UNK: variants seen among roughly 807,000 people sequenced by gnomAD.
The protein encoded by UNK is RING finger protein unkempt homolog.
A neutral mutation model predicts 97.6 loss-of-function variants in UNK; 32 were observed. That is an observed-to-expected ratio of 0.33 (90% CI 0.25 to 0.44). The LOEUF (loss-of-function observed/expected upper bound fraction) is 0.44. Among genes scored for constraint, UNK ranks in the 20% least tolerant of loss-of-function variants. The pLI, the probability that UNK is intolerant of heterozygous loss-of-function variation, is 1.00. For missense variants in UNK, 771 were observed against 1,098.4 expected, an observed-to-expected ratio of 0.70 and a Z score of 4.21; for synonymous variants, 441 against 461.2, an observed-to-expected ratio of 0.96 and a Z score of 0.56.
chr17:75,800,140 C>A (rs1056870116), intron 1 of UNK, among the ~76,000 whole-genome samples: 3 of 152,134 alleles, frequency 2.0e-5, no homozygotes, highest in Non-Finnish European at 2.9e-5. Context: ...ACAATCTTGG[C>A]TCACTGCAGT....
In UNK at chr17:75,809,863, C is replaced by T. The variant is rs1208945791; in HGVS notation, c.208C>T (p.Arg70Trp). 1.2e-6 allele frequency: 2 copies of T among 1,613,766 alleles called. No individual in the cohort carries two copies. The highest frequency in any genetic ancestry group is 1.7e-6 in the Non-Finnish European group (2 of 1,179,884). ...CTTCCACTGGCACTTCGTGAACCAG[C>T]GGCGCCGCCGGTCCATCCGCCGTCG... is the stretch of plus-strand genomic sequence containing the variant. ...TCFHWHFVNQ[R>W]RRRSIRRRDG... Residue 70 changes from arginine (R) to tryptophan (W), a missense_variant, in exon 2 of 16, where the codon CGG (arginine) becomes TGG (tryptophan). Physicochemically the swap from Arg to Trp is moderately radical, Grantham distance 101 (BLOSUM62 -3). Around this residue, in one of 5 missense-constraint regions of UNK, gnomAD observed 246 missense variants for 440.7 expected, o/e 0.56. Coordinates refer to ENST00000589666, the MANE Select transcript of UNK (RefSeq NM_001080419.3).
chr17:75,821,983 A>G, intron 13 of UNK: 2 of 313,326 alleles, frequency 6.4e-6, no homozygotes, highest in Non-Finnish European at 1.2e-5. Context: ...AACAAGGGGG[A>G]TGGCCCCAAG....
intron 1 of UNK, among the ~76,000 whole-genome samples, chr17:75,809,343 G>C (rs1189950527): frequency 6.6e-6 from 1 of 152,242 alleles, no homozygotes; most frequent in Non-Finnish European, 1.5e-5. Flanking sequence ...GGCAAGGCCT[G>C]CAACAACAGG....
At chr17:75,794,167 A>G in intron 1 of UNK, 2 of 971,612 alleles carry the variant, frequency 2.1e-6, no homozygotes, top group Non-Finnish European at 1.2e-6. Flanking sequence ...AAAAATGTAT[A>G]TTAAATATCC....
Position 75,809,950 on chromosome 17 carries a change from C to G in UNK, c.295C>G (p.Leu99Val). 1 of 1,613,632 alleles carries G rather than the reference C, an allele frequency of 6.2e-7. No individual in the cohort carries two copies. The highest frequency in any genetic ancestry group is 8.5e-7 in the Non-Finnish European group (1 of 1,179,892). The change falls in exon 2 of 16, where the codon CTC becomes GTC. Residue 99 changes from leucine (L) to valine (V), a missense_variant. Leu to Val is a conservative substitution (Grantham distance 32, BLOSUM62 1). This residue lies in a region of UNK where 246 missense variants were observed against 440.7 expected (regional missense o/e 0.56). Coordinates refer to ENST00000589666, the MANE Select transcript of UNK (RefSeq NM_001080419.3). ...CACCAAGTACGACGAGGCTACAGGC[C>G]TCTGCCCGGAGGGCGACGAGTGAGT... ...YCTKYDEATG[L>V]CPEGDECPFL...
At chr17:75,812,971 C>G in intron 4 of UNK, 107 bp from the exon 5 acceptor site, 1 of 1,433,494 alleles carries the variant, frequency 7.0e-7, no homozygotes, top group Non-Finnish European at 9.2e-7. Flanking sequence ...GGCCTCCTGT[C>G]TTGAACTCCT....
rs748908159 is a variant in UNK, at chr17:75,785,001, C to T, written c.104+17C>T. The T allele has an allele frequency of 5.0e-6, 7 of 1,400,142 alleles. No homozygotes were observed. The highest frequency in any genetic ancestry group is 1.5e-5 in the African/African-American group (1 of 65,152). The allele number at this position is 1,400,142 out of a possible 1,614,324, so 86.7% of individuals were successfully genotyped here. ...GCACTACACGTACGTAGAGCCCCCC[C>T]CCCCCCGCCGCGCGCGCACGCCTGA... On this transcript the variant is annotated intron_variant, in intron 1 of 15. Coordinates refer to ENST00000589666, the MANE Select transcript of UNK (RefSeq NM_001080419.3).
chr17:75,789,800 GTTTAGCTACC>G (rs1331505031), intron 1 of UNK, among the ~76,000 whole-genome samples: 3 of 152,156 alleles, frequency 2.0e-5, no homozygotes, highest in Non-Finnish European at 4.4e-5. Flanking sequence ...GTATCTACAA[GTTTAGCTACC>G]TTTTGGCTTT....
chr17:75,793,349 A>G, intron 1 of UNK: 3 of 910,730 alleles, frequency 3.3e-6, no homozygotes, highest in Non-Finnish European at 2.6e-6. Context: ...AAATGATATC[A>G]ATGGCTATAC....
At chr17:75,803,198 A>G (rs2061879150) in intron 1 of UNK, among the ~76,000 whole-genome samples, 1 of 138,110 alleles carries the variant, frequency 7.2e-6, no homozygotes, top group Admixed American at 7.0e-5. Context: ...GGAGATCAAG[A>G]CCATCGATCT....
intron 1 of UNK, among the ~76,000 whole-genome samples, chr17:75,789,200 G>C (rs1192418403): frequency 1.3e-5 from 2 of 152,168 alleles, no homozygotes; most frequent in Non-Finnish European, 2.9e-5. Flanking sequence ...CACTTGTGCT[G>C]GACTTAGGAA....
intron 1 of UNK, among the ~76,000 whole-genome samples, chr17:75,794,710 C>T (rs1471244746): frequency 6.6e-6 from 1 of 152,098 alleles, no homozygotes; most frequent in East Asian, 1.9e-4. Flanking sequence ...GTCACACCAC[C>T]TGGGTTTGAG....
At chr17:75,789,656 C>G (rs2061745221) in intron 1 of UNK, among the ~76,000 whole-genome samples, 1 of 152,112 alleles carries the variant, frequency 6.6e-6, no homozygotes. Flanking sequence ...TTTTACTAGA[C>G]AGTTTGTCTT....
At chr17:75,806,096 C>A (rs1383671336) in intron 1 of UNK, among the ~76,000 whole-genome samples, 2 of 147,560 alleles carry the variant, frequency 1.4e-5, no homozygotes, top group African/African-American at 2.6e-5. Context: ...AAGCGAGACT[C>A]CGTCTCAAAA....
Position 75,821,300 on chromosome 17 carries a change from T to C in UNK, c.1838-1177T>C, listed in dbSNP as rs111864942. 3,486 of 443,206 alleles carry C rather than the reference T, an allele frequency of 7.9e-3. 43 individuals are homozygous for C. Among genetic ancestry groups the C allele is most frequent in the South Asian group, 0.015 (953 of 62,646 alleles). The allele number at this position is 443,206 out of a possible 1,614,324, so 27.5% of individuals were successfully genotyped here. A position where few individuals can be genotyped will look rare whatever the true frequency, so the allele number is the denominator to read the frequency against. ...TGACTATTGAGCACAGGTGTATTGATACAGGTGTAAGTGCAACAGTCCCTG... is the reference window on the plus strand; with the variant it reads ...TGACTATTGAGCACAGGTGTATTGACACAGGTGTAAGTGCAACAGTCCCTG... On this transcript the variant is annotated intron_variant, in intron 13 of 15. Transcript: ENST00000589666.
Position 75,812,299 on chromosome 17 carries a change from TGCTGG to T in UNK, c.491+21_491+25del. The T allele has an allele frequency of 1.9e-6, 3 of 1,606,436 alleles. No homozygotes were observed. Among genetic ancestry groups the T allele is most frequent in the Non-Finnish European group, 2.6e-6 (3 of 1,175,088 alleles). On this transcript the variant is annotated intron_variant, in intron 3 of 15. Transcript: ENST00000589666. The stretch of plus-strand genomic sequence containing the variant: ...TGTCTACGACATCAGGTGGGCTGGG[TGCTGG>T]GCTGGGCTGATGGCAGTAGGCTGGG...
intron 1 of UNK, among the ~76,000 whole-genome samples, chr17:75,798,193 C>T (rs549807486): frequency 6.6e-6 from 1 of 152,106 alleles, no homozygotes; most frequent in South Asian, 2.1e-4. Flanking sequence ...GCCTCAGCCT[C>T]CCGAGTAGCT....
At chr17:75,792,621 C>G (rs1043647799) in intron 1 of UNK, 21 of 401,808 alleles carry the variant, frequency 5.2e-5, no homozygotes, top group Admixed American at 6.5e-5. Context: ...ATAGATTCAC[C>G]CCAGCCAGTC....
At chr17:75,792,134 C>A (rs1038237976) in intron 1 of UNK, 5 of 936,658 alleles carry the variant, frequency 5.3e-6, no homozygotes, top group Non-Finnish European at 6.4e-6. Context: ...CAGACCTTTA[C>A]CTAAAGGTAA....
Sources: allele counts gnomAD v4.1 joint callset (sites outside exome capture counted in the v4.1 genomes callset), GRCh38; gene constraint gnomAD v4.1.1; regional missense constraint gnomAD v4.1.1; transcripts MANE v1.5; gene names NCBI Gene and HGNC (gene_info 2026-07-23, HGNC 2026-07-21).